Variants in RBFOX1 observed in about 807,000 individuals in gnomAD.
The protein encoded by RBFOX1 is RNA binding protein fox-1 homolog 1.
RBFOX1 carries 8 observed loss-of-function variants against 57.7 expected under a neutral mutation model. The observed-to-expected ratio is 0.14, with a 90% CI of 0.08 to 0.25. The LOEUF (loss-of-function observed/expected upper bound fraction) is 0.25, where lower values mean the gene tolerates loss of function less well. Ranked by LOEUF, RBFOX1 falls within the 10% of genes least tolerant of loss-of-function variation. The pLI is 1.00. For missense variants in RBFOX1, 611 were observed against 548.5 expected, an observed-to-expected ratio of 1.11 and a Z score of -1.14; for synonymous variants, 326 against 222.4, an observed-to-expected ratio of 1.47 and a Z score of -4.15.
chr16:7,611,182 A>G (rs1237059255), intron 10 of RBFOX1, among the ~76,000 whole-genome samples: 1 of 152,236 alleles, frequency 6.6e-6, no homozygotes, highest in Non-Finnish European at 1.5e-5. Flanking sequence ...AGGCATGAAA[A>G]GTTCACATAT....
chr16:5,815,264 G>C (rs377575056), intron 3 of RBFOX1, among the ~76,000 whole-genome samples: 1 of 151,318 alleles, frequency 6.6e-6, no homozygotes, highest in African/African-American at 2.4e-5. Context: ...AAAGTGCTGG[G>C]ATTACAGGTG....
At chr16:5,475,018 G>A (rs893452216) in intron 2 of RBFOX1, among the ~76,000 whole-genome samples, 1 of 152,140 alleles carries the variant, frequency 6.6e-6, no homozygotes, top group South Asian at 2.1e-4. Context: ...CGATGGGTAG[G>A]CCTGGGCATG....
At chr16:6,937,355 G>C (rs930749439) in intron 3 of RBFOX1, among the ~76,000 whole-genome samples, 1 of 152,074 alleles carries the variant, frequency 6.6e-6, no homozygotes, top group Non-Finnish European at 1.5e-5. Flanking sequence ...TTTTGAAGTA[G>C]ATACTTTTCT....
chr16:6,831,648 T>A, intron 3 of RBFOX1, among the ~76,000 whole-genome samples: 1 of 151,820 alleles, frequency 6.6e-6, no homozygotes, highest in East Asian at 1.9e-4. Flanking sequence ...GTTTTAAGCA[T>A]TTTTTTTAAT....
intron 3 of RBFOX1, among the ~76,000 whole-genome samples, chr16:5,856,535 G>C (rs1313883157): frequency 1.5e-5 from 1 of 67,170 alleles, no homozygotes; most frequent in Non-Finnish European, 2.8e-5. Context: ...TCATATATGT[G>C]TATGTGTGTG....
chr16:7,135,888 T>A (rs947308044), intron 4 of RBFOX1, among the ~76,000 whole-genome samples: 3 of 152,260 alleles, frequency 2.0e-5, no homozygotes, highest in Middle Eastern at 6.3e-3. Context: ...CTGTTTGTTC[T>A]ATTTTGCATC....
At chr16:7,585,689 A>C (rs189606889) in intron 6 of RBFOX1, among the ~76,000 whole-genome samples, 2 of 152,314 alleles carry the variant, frequency 1.3e-5, no homozygotes, top group East Asian at 3.9e-4. Flanking sequence ...TCTGTATTCA[A>C]GTGGCATATA....
intron 1 of RBFOX1, among the ~76,000 whole-genome samples, chr16:6,299,736 C>G (rs1162655257): frequency 1.3e-5 from 2 of 152,206 alleles, no homozygotes; most frequent in East Asian, 3.8e-4. Context: ...AGCGTGGACT[C>G]TGGCGTCTGC....
intron 3 of RBFOX1, among the ~76,000 whole-genome samples, chr16:6,845,824 T>A (rs2093724812): frequency 6.6e-6 from 1 of 152,232 alleles, no homozygotes; most frequent in South Asian, 2.1e-4. Context: ...TTGTACCTCT[T>A]CCTTACCCCT....
intron 1 of RBFOX1, among the ~76,000 whole-genome samples, chr16:6,260,442 C>G (rs1424792288): frequency 2.6e-5 from 4 of 152,026 alleles, no homozygotes; most frequent in Non-Finnish European, 4.4e-5. Context: ...AAGGACTTGA[C>G]TGGATTGAAA....
rs147143276 is a variant in RBFOX1, at chr16:6,303,784, G to T, written c.-126-13211G>T. ...AGGTCACGAGTTTGAGACCGGTCTG[G>T]CTAACATGGTGAAACCCTGTCTTTT... On this transcript the variant is annotated intron_variant, in intron 1 of 15. Transcript: ENST00000550418. 7.9e-3 allele frequency among the ~76,000 whole-genome samples: 1,178 copies of T among 148,842 alleles called. 15 individuals are homozygous for T. The highest frequency in any genetic ancestry group is 0.026 in the African/African-American group (1,035 of 40,588).
At chr16:7,108,201 G>A (rs974512035) in intron 4 of RBFOX1, among the ~76,000 whole-genome samples, 2 of 152,048 alleles carry the variant, frequency 1.3e-5, no homozygotes, top group African/African-American at 2.4e-5. Context: ...ACAGTCTCTG[G>A]GTCATCATGA....
chr16:7,410,233 C>A (rs1382623451), intron 4 of RBFOX1, among the ~76,000 whole-genome samples: 2 of 152,224 alleles, frequency 1.3e-5, no homozygotes, highest in Non-Finnish European at 2.9e-5. Flanking sequence ...GTGCTGTAGG[C>A]ACTGCATATG....
chr16:7,352,796 G>A (rs753339901), intron 4 of RBFOX1, among the ~76,000 whole-genome samples: 2 of 152,064 alleles, frequency 1.3e-5, no homozygotes, highest in Non-Finnish European at 2.9e-5. Context: ...GCTCACTGCA[G>A]CTTCGACCTC....
intron 4 of RBFOX1, among the ~76,000 whole-genome samples, chr16:7,201,365 G>T (rs921729133): frequency 3.3e-5 from 5 of 152,162 alleles, no homozygotes; most frequent in African/African-American, 1.2e-4. Context: ...CTCCTATTGT[G>T]GGCTATGTTA....
chr16:6,891,532 G>T (rs146595248), intron 3 of RBFOX1, among the ~76,000 whole-genome samples: 1 of 152,002 alleles, frequency 6.6e-6, no homozygotes, highest in Non-Finnish European at 1.5e-5. Flanking sequence ...TCCCAGTCCT[G>T]CCTTATTTAT....
chr16:5,492,951 C>T (rs899388283), intron 2 of RBFOX1, among the ~76,000 whole-genome samples: 1 of 152,250 alleles, frequency 6.6e-6, no homozygotes, highest in African/African-American at 2.4e-5. Context: ...CTAGAGCCTA[C>T]ACCAAGATTT....
intron 6 of RBFOX1, among the ~76,000 whole-genome samples, chr16:7,586,067 C>T (rs893530522): frequency 6.6e-6 from 1 of 152,132 alleles, no homozygotes; most frequent in African/African-American, 2.4e-5. Context: ...GATAGGAAAG[C>T]TCAAAACAAA....
chr16:6,639,569 C>G (rs1402941769), intron 2 of RBFOX1, among the ~76,000 whole-genome samples: 1 of 152,104 alleles, frequency 6.6e-6, no homozygotes, highest in Non-Finnish European at 1.5e-5. Flanking sequence ...ATAATAAATA[C>G]ACATAATTTA....
Sources: gnomAD v4.1 joint callset for allele counts (sites outside exome capture counted in the v4.1 genomes callset) on GRCh38, gnomAD v4.1.1 for gene constraint, MANE v1.5 for transcripts, NCBI Gene and HGNC (gene_info 2026-07-23, HGNC 2026-07-21) for gene names.